Variants in RAP1GAP2 observed in about 807,000 individuals in gnomAD.
RAP1GAP2 encodes RAP1 GTPase activating protein 2.
In RAP1GAP2, 27 loss-of-function variants were observed where a neutral mutation model predicts 95.0. The observed-to-expected ratio is 0.28, with a 90% CI of 0.21 to 0.39. RAP1GAP2 has a LOEUF of 0.39. Among genes scored for constraint, RAP1GAP2 ranks in the 10% least tolerant of loss-of-function variants. The pLI, the probability that RAP1GAP2 is intolerant of heterozygous loss-of-function variation, is 1.00. For missense variants in RAP1GAP2, 771 were observed against 970.0 expected (o/e 0.79, Z 2.72); for synonymous variants, 373 against 380.9 (o/e 0.98, Z 0.24).
At chr17:2,852,817 G>A (rs1449499972) in intron 2 of RAP1GAP2, among the ~76,000 whole-genome samples, 2 of 152,168 alleles carry the variant, frequency 1.3e-5, no homozygotes, top group African/African-American at 2.4e-5. Flanking sequence ...GCGATTGTGA[G>A]CGAGGCCCCG....
intron 17 of RAP1GAP2, among the ~76,000 whole-genome samples, chr17:3,016,267 C>T (rs751438530): frequency 1.3e-5 from 2 of 152,214 alleles, no homozygotes; most frequent in African/African-American, 2.4e-5. Context: ...CTTTCCCCAG[C>T]GCACCCAGTG....
chr17:2,984,288 C>T (rs1174137346), intron 10 of RAP1GAP2, among the ~76,000 whole-genome samples: 1 of 152,118 alleles, frequency 6.6e-6, no homozygotes. Flanking sequence ...GCGGAGGTTG[C>T]AGTGAGCCAA....
At chr17:2,829,518 C>G (rs1482370777) in intron 2 of RAP1GAP2, among the ~76,000 whole-genome samples, 2 of 152,186 alleles carry the variant, frequency 1.3e-5, no homozygotes, top group Admixed American at 1.3e-4. Flanking sequence ...GCCCCTCTAG[C>G]AGGCAGCCCT....
intron 3 of RAP1GAP2, among the ~76,000 whole-genome samples, chr17:2,950,330 G>A (rs1343805333): frequency 1.3e-5 from 2 of 152,230 alleles, no homozygotes; most frequent in African/African-American, 2.4e-5. Flanking sequence ...GGGATTACAG[G>A]TGTGAGCCAA....
At chr17:2,961,677 A>C (rs2044332757) in intron 4 of RAP1GAP2, among the ~76,000 whole-genome samples, 1 of 152,188 alleles carries the variant, frequency 6.6e-6, no homozygotes, top group Non-Finnish European at 1.5e-5. Context: ...GTGAGCGTCT[A>C]ATCCTCATTT....
chr17:2,769,351 C>T (rs1405546763), intron 1 of RAP1GAP2, among the ~76,000 whole-genome samples: 5 of 145,348 alleles, frequency 3.4e-5, no homozygotes, highest in Non-Finnish European at 7.5e-5. Flanking sequence ...GTCAGGAGAT[C>T]GAGACCATCC....
rs190701541 is a variant in RAP1GAP2 at position 2,989,425 on chromosome 17, C to T, written c.814-1872C>T. Among the ~76,000 whole-genome samples the T allele has an allele frequency of 4.3e-3, 655 of 152,168 alleles. 6 individuals are homozygous for T. Among genetic ancestry groups the T allele is most frequent in the African/African-American group, 0.015 (613 of 41,536 alleles). ...TCTACTCACTGCAACCTCTGCCTCC[C>T]GGGTTCCAGCGATTCTCCCACCTCA... is the stretch of plus-strand genomic sequence containing the variant. On this transcript the variant is annotated intron_variant, in intron 11 of 24. Transcript: ENST00000254695.
chr17:3,021,881 A>C (rs1013363503), intron 19 of RAP1GAP2, among the ~76,000 whole-genome samples: 1 of 152,226 alleles, frequency 6.6e-6, no homozygotes, highest in African/African-American at 2.4e-5. Flanking sequence ...TTATCCGCTT[A>C]TCTGTTGATG....
intron 1 of RAP1GAP2, among the ~76,000 whole-genome samples, chr17:2,767,984 G>C (rs756319423): frequency 2.6e-5 from 4 of 152,178 alleles, no homozygotes; most frequent in Admixed American, 2.6e-4. Context: ...CATCTGCCTC[G>C]GCCTCCCAAA....
chr17:2,828,492 A>C (rs2070687055), intron 2 of RAP1GAP2, among the ~76,000 whole-genome samples: 1 of 151,026 alleles, frequency 6.6e-6, no homozygotes, highest in African/African-American at 2.4e-5. Flanking sequence ...CTGTCTGGGG[A>C]AGAGCATTCC....
chr17:2,843,224 C>T (rs554142691), intron 2 of RAP1GAP2, among the ~76,000 whole-genome samples: 1 of 151,934 alleles, frequency 6.6e-6, no homozygotes, highest in East Asian at 1.9e-4. Flanking sequence ...GTCAAGGAAG[C>T]CCTCTCTGGG....
At chr17:2,824,626 G>A (rs1206721929) in intron 2 of RAP1GAP2, among the ~76,000 whole-genome samples, 1 of 150,386 alleles carries the variant, frequency 6.6e-6, no homozygotes, top group Admixed American at 6.7e-5. Context: ...TGTAATCCTA[G>A]CTACTCGGGA....
intron 16 of RAP1GAP2, among the ~76,000 whole-genome samples, 174 bp downstream of exon 16, chr17:3,006,215 G>A (rs1054684743): frequency 4.9e-5 from 7 of 142,746 alleles, no homozygotes; most frequent in Non-Finnish European, 8.9e-5. Context: ...CACAACCTCT[G>A]CCTCCCGGGC....
At chr17:3,007,803 G>A (rs973012479) in intron 16 of RAP1GAP2, among the ~76,000 whole-genome samples, 5 of 152,132 alleles carry the variant, frequency 3.3e-5, no homozygotes, top group Non-Finnish European at 5.9e-5. Flanking sequence ...AAGGGCAGGG[G>A]GAGTAGAGCA....
At chr17:3,015,130 G>C (rs964464730) in intron 17 of RAP1GAP2, among the ~76,000 whole-genome samples, 2 of 152,180 alleles carry the variant, frequency 1.3e-5, no homozygotes, top group Non-Finnish European at 2.9e-5. Context: ...TTGCGTGACG[G>C]GGTAAATAGA....
rs931607491 is a variant in RAP1GAP2 at position 2,797,132 on chromosome 17, C to T, written c.44+561C>T. ...GGCCTTGTGGCAGGGGAGTCTGTAC[C>T]TGCTGGACCTCTGGGCTGCCTGCTG... On this transcript the variant is annotated intron_variant, in intron 1 of 24. Transcript: ENST00000254695. This position sits in a 1 kb window ranked among gnomAD's most constrained non-coding sequence, Gnocchi z 5.6. 6.6e-6 allele frequency among the ~76,000 whole-genome samples: 1 copy of T among 152,028 alleles called. No individual in the cohort carries two copies. Among genetic ancestry groups the T allele is most frequent in the African/African-American group, 2.4e-5 (1 of 41,376 alleles).
At chr17:2,921,842 G>T (rs780442497) in intron 3 of RAP1GAP2, among the ~76,000 whole-genome samples, 1 of 152,112 alleles carries the variant, frequency 6.6e-6, no homozygotes, top group African/African-American at 2.4e-5. Context: ...GCTCCAGGCC[G>T]GGGACTGCAC....
chr17:2,907,586 C>T (rs890776180), intron 3 of RAP1GAP2, among the ~76,000 whole-genome samples: 4 of 152,142 alleles, frequency 2.6e-5, no homozygotes, highest in East Asian at 3.9e-4. Context: ...AACCTAGTCT[C>T]GGAGAGGGTC....
intron 24 of RAP1GAP2, 105 bp downstream of exon 24, chr17:3,032,554 G>A (rs935605900): frequency 6.3e-6 from 7 of 1,111,500 alleles, no homozygotes; most frequent in Admixed American, 1.9e-5. Context: ...GAGAGATGCC[G>A]CCAGCTGGGG....
Sources: allele counts gnomAD v4.1 joint callset (sites outside exome capture counted in the v4.1 genomes callset), GRCh38; gene constraint gnomAD v4.1.1; non-coding constraint Gnocchi (gnomAD v3.1); transcripts MANE v1.5; gene names NCBI Gene and HGNC (gene_info 2026-07-23, HGNC 2026-07-21).